ATRNL1: variants seen among roughly 807,000 people sequenced by gnomAD.
The protein encoded by ATRNL1 is attractin like 1.
In ATRNL1, 95 loss-of-function variants were observed where a neutral mutation model predicts 182.7. The ratio of observed to expected loss-of-function variants is 0.52; its 90% confidence interval spans 0.44 to 0.62. The LOEUF is 0.62. ATRNL1 is among the 20% of genes least tolerant of loss of function. The pLI, the probability that ATRNL1 is intolerant of heterozygous loss-of-function variation, is 0.00. For missense variants in ATRNL1, 1,471 were observed against 1,679.5 expected (o/e 0.88, Z 2.17); for synonymous variants, 576 against 568.3 (o/e 1.01, Z -0.19).
intron 26 of ATRNL1, among the ~76,000 whole-genome samples, chr10:115,654,705 A>G (rs369360969): frequency 9.9e-5 from 15 of 152,120 alleles, no homozygotes; most frequent in African/African-American, 3.4e-4. Context: ...AAAATTATTG[A>G]TGGGAAATAG....
intron 27 of ATRNL1, among the ~76,000 whole-genome samples, chr10:115,796,571 G>C (rs1555082999): frequency 2.6e-5 from 4 of 152,174 alleles, no homozygotes; most frequent in African/African-American, 9.7e-5. Context: ...CTGATTCATA[G>C]AGGTAGGTAG....
chr10:115,535,453 C>A (rs1358498152), intron 25 of ATRNL1, among the ~76,000 whole-genome samples: 1 of 150,016 alleles, frequency 6.7e-6, no homozygotes, highest in Non-Finnish European at 1.5e-5. Context: ...TGGTTTTCAG[C>A]TCCATCAGCT....
chr10:115,497,782 C>T (rs544124718), intron 24 of ATRNL1, among the ~76,000 whole-genome samples: 2 of 152,096 alleles, frequency 1.3e-5, no homozygotes, highest in African/African-American at 2.4e-5. Context: ...TTCAGCCTCC[C>T]GAGTAGCTGT....
intron 27 of ATRNL1, among the ~76,000 whole-genome samples, chr10:115,768,903 A>C (rs1555075669): frequency 2.0e-5 from 3 of 152,076 alleles, no homozygotes; most frequent in Non-Finnish European, 4.4e-5. Flanking sequence ...TTTATTATTA[A>C]GTTCTGTATC....
intron 26 of ATRNL1, among the ~76,000 whole-genome samples, chr10:115,584,658 T>C (rs1855387877): frequency 6.6e-6 from 1 of 151,438 alleles, no homozygotes; most frequent in Non-Finnish European, 1.5e-5. Context: ...TTATTAGTCT[T>C]GCTAGCTGTC....
In ATRNL1 at chr10:115,715,405, C is replaced by A. The variant is rs1184907251; in HGVS notation, c.3796-11843C>A. On this transcript the variant is annotated intron_variant, in intron 26 of 28. Coordinates refer to ENST00000355044, the MANE Select transcript of ATRNL1 (RefSeq NM_207303.4). The stretch of plus-strand genomic sequence containing the variant: ...AACTGAATGTTTCTAAATCCATATA[C>A]CTTATCTGTCCTATCTTTTGATATA... Among the ~76,000 whole-genome samples, 7 of 152,240 alleles carry A rather than the reference C, an allele frequency of 4.6e-5. 1 individual carries two copies. The East Asian group carries it at 1.4e-3, about 29-fold the overall frequency.
At chr10:115,862,815 G>T (rs181251147) in intron 28 of ATRNL1, among the ~76,000 whole-genome samples, 1 of 152,272 alleles carries the variant, frequency 6.6e-6, no homozygotes, top group East Asian at 1.9e-4. Context: ...CATACATAGG[G>T]AAGCAGTAAA....
intron 8 of ATRNL1, among the ~76,000 whole-genome samples, chr10:115,177,166 A>T (rs558626629): frequency 1.1e-4 from 17 of 152,314 alleles, no homozygotes; most frequent in East Asian, 3.9e-4. Context: ...CATTCTGCTG[A>T]TGCCTCAAGT....
At chr10:115,229,552 T>G (rs1020547413) in intron 9 of ATRNL1, among the ~76,000 whole-genome samples, 3 of 152,030 alleles carry the variant, frequency 2.0e-5, no homozygotes, top group Non-Finnish European at 2.9e-5. Flanking sequence ...AAATTTAATT[T>G]TATATATTTA....
At chr10:115,134,178 TA>T (rs1221182486) in intron 5 of ATRNL1, among the ~76,000 whole-genome samples, 1 of 151,284 alleles carries the variant, frequency 6.6e-6, no homozygotes, top group East Asian at 1.9e-4. Flanking sequence ...AGACAAGAAA[TA>T]ACTAAGATCA....
intron 24 of ATRNL1, among the ~76,000 whole-genome samples, chr10:115,506,905 G>T (rs1850142662): frequency 6.6e-6 from 1 of 152,082 alleles, no homozygotes; most frequent in East Asian, 1.9e-4. Flanking sequence ...AGTTAATTTA[G>T]AAAGTTTATT....
chr10:115,734,735 T>G (rs1234609626), intron 27 of ATRNL1, among the ~76,000 whole-genome samples: 1 of 152,092 alleles, frequency 6.6e-6, no homozygotes, highest in Non-Finnish European at 1.5e-5. Flanking sequence ...ATTAATCAGC[T>G]TATTGTGTCT....
At chr10:115,679,560 T>C (rs1555044039) in intron 26 of ATRNL1, among the ~76,000 whole-genome samples, 1 of 152,124 alleles carries the variant, frequency 6.6e-6, no homozygotes, top group African/African-American at 2.4e-5. Flanking sequence ...AAAGGTTGTT[T>C]TCATTCTGAT....
In ATRNL1 at chr10:115,382,567, A is replaced by G. The variant is rs555456944; in HGVS notation, c.3176-12092A>G. On this transcript the variant is annotated intron_variant, in intron 19 of 28. Coordinates refer to ENST00000355044, the MANE Select transcript of ATRNL1 (RefSeq NM_207303.4). ...CACATTGATTTGGTATCCTTGCTTAATTAATCTATTAGTTCTAATAGACTT... is the reference window on the plus strand; with the variant it reads ...CACATTGATTTGGTATCCTTGCTTAGTTAATCTATTAGTTCTAATAGACTT... Among the ~76,000 whole-genome samples, 4 of 152,086 alleles carry G rather than the reference A, an allele frequency of 2.6e-5. No individual in the cohort carries two copies. In the South Asian group the frequency reaches 8.3e-4, roughly 32 times the overall value.
In ATRNL1 at chr10:115,256,848, A is replaced by G. The variant is rs1187425255; in HGVS notation, c.1688-8345A>G. On this transcript the variant is annotated intron_variant, in intron 10 of 28. Coordinates refer to ENST00000355044, the MANE Select transcript of ATRNL1 (RefSeq NM_207303.4). ...TCTGGTATATTGTGTCTTTGTTCTT[A>G]TTGGTTTCAAAGAACATCTTTCTGC... 2.0e-5 allele frequency among the ~76,000 whole-genome samples: 3 copies of G among 152,066 alleles called. 1 individual carries two copies. In the South Asian group the frequency reaches 6.2e-4, roughly 32 times the overall value.
At chr10:115,852,084 T>C (rs921957149) in intron 28 of ATRNL1, among the ~76,000 whole-genome samples, 2 of 152,226 alleles carry the variant, frequency 1.3e-5, no homozygotes, top group Non-Finnish European at 2.9e-5. Flanking sequence ...TCATAATTTG[T>C]GGATTCTTCC....
intron 26 of ATRNL1, among the ~76,000 whole-genome samples, chr10:115,660,137 A>G (rs886113792): frequency 1.1e-4 from 16 of 152,132 alleles, no homozygotes; most frequent in African/African-American, 3.6e-4. Flanking sequence ...GGACGAACCA[A>G]TGTATATTCA....
chr10:115,697,805 A>G (rs1185175278), intron 26 of ATRNL1, among the ~76,000 whole-genome samples: 2 of 152,148 alleles, frequency 1.3e-5, no homozygotes, highest in Non-Finnish European at 2.9e-5. Flanking sequence ...TTTTATAACT[A>G]AGAAGACAGA....
At chr10:115,870,777 A>G (rs1472453640) in intron 28 of ATRNL1, among the ~76,000 whole-genome samples, 2 of 152,202 alleles carry the variant, frequency 1.3e-5, no homozygotes, top group African/African-American at 2.4e-5. Flanking sequence ...CTAGCTCTAC[A>G]ATTTAGTAGC....
Sources: gnomAD v4.1 joint callset for allele counts (sites outside exome capture counted in the v4.1 genomes callset) on GRCh38, gnomAD v4.1.1 for gene constraint, MANE v1.5 for transcripts, NCBI Gene and HGNC (gene_info 2026-07-23, HGNC 2026-07-21) for gene names.